Variants in PTRH1 observed in about 807,000 individuals in gnomAD.
The protein encoded by PTRH1 is peptidyl-tRNA hydrolase.
Under a neutral mutation model 15.7 loss-of-function variants are expected in PTRH1, and 13 were observed. That is an observed-to-expected ratio of 0.83 (90% CI 0.54 to 1.31). PTRH1 has a LOEUF of 1.31. Among genes scored for constraint, PTRH1 ranks in the 40% most tolerant of loss-of-function variants. The pLI, the probability that PTRH1 is intolerant of heterozygous loss-of-function variation, is 0.00. For synonymous variants in PTRH1, 139 were observed against 136.7 expected, an observed-to-expected ratio of 1.02 and a Z score of -0.12; for missense variants, 319 against 296.2, an observed-to-expected ratio of 1.08 and a Z score of -0.56.
At chr9:127,702,137 A>G (rs1296508957) in intron 1 of PTRH1, among the ~76,000 whole-genome samples, 6 of 151,796 alleles carry the variant, frequency 4.0e-5, no homozygotes, top group Non-Finnish European at 4.4e-5. Flanking sequence ...ACTTTGGGAG[A>G]CCGAGGTGGG....
At chr9:127,695,031 A>G (rs763377605) in exon 2 of PTRH1, 2 of 702,502 alleles carry the variant, frequency 2.8e-6, no homozygotes, top group South Asian at 1.5e-5. Context: ...GGCTCCCAGG[A>G]AGCACAGTGA....
In PTRH1 at chr9:127,705,874, T is replaced by C. The variant is rs1049160300; in HGVS notation, c.205+9561A>G. On this transcript the variant is annotated intron_variant, in intron 1 of 2. Transcript: ENST00000335223. The surrounding 1 kb of genome is among the most constrained non-coding windows in gnomAD (Gnocchi z 4.7). ...CAGAAGCATGGGGGTCTCTTCCCTC[T>C]GCCAGTCACATTTGTGCCCTCCCAG... Among the ~76,000 whole-genome samples the C allele has an allele frequency of 6.6e-6, 1 of 152,250 alleles. No individual in the cohort carries two copies. Among genetic ancestry groups the C allele is most frequent in the Non-Finnish European group, 1.5e-5 (1 of 68,034 alleles).
intron 1 of PTRH1, among the ~76,000 whole-genome samples, chr9:127,699,597 G>A (rs999946785): frequency 1.3e-5 from 2 of 152,074 alleles, no homozygotes; most frequent in Non-Finnish European, 2.9e-5. Flanking sequence ...TAGGCAGTAC[G>A]AATACTAAAA....
downstream of PTRH1, chr9:127,712,619 G>C (rs762156069): frequency 1.2e-6 from 2 of 1,605,904 alleles, no homozygotes; most frequent in East Asian, 4.5e-5. Context: ...GGAAAACTTC[G>C]TGGAAATGGG....
intron 1 of PTRH1, among the ~76,000 whole-genome samples, chr9:127,707,418 G>A (rs1375125894): frequency 6.6e-6 from 1 of 152,116 alleles, no homozygotes; most frequent in South Asian, 2.1e-4. Context: ...CTAGAACCCT[G>A]GGCCCACGAT....
At chr9:127,698,633 C>T (rs145428230) in intron 1 of PTRH1, among the ~76,000 whole-genome samples, 1 of 152,218 alleles carries the variant, frequency 6.6e-6, no homozygotes, top group African/African-American at 2.4e-5. Flanking sequence ...GCCATGATTG[C>T]ACCACAGCAC....
At chr9:127,710,586 C>T (rs375545874), downstream of PTRH1, 10 of 1,570,346 alleles carry the variant, frequency 6.4e-6, no homozygotes, top group South Asian at 1.2e-5. Context: ...GGGCCTTGTG[C>T]GCTGTGGCGG....
downstream of PTRH1, chr9:127,712,920 C>A: frequency 6.3e-7 from 1 of 1,592,044 alleles, no homozygotes; most frequent in Non-Finnish European, 8.6e-7. Context: ...CCACAGAGAG[C>A]AGGGCAAAGG....
At chr9:127,697,845 G>C (rs1359706063) in intron 1 of PTRH1, among the ~76,000 whole-genome samples, 1 of 152,166 alleles carries the variant, frequency 6.6e-6, no homozygotes, top group Admixed American at 6.5e-5. Context: ...CTTTATGAAG[G>C]GGAAGTGCTC....
At chr9:127,701,774 C>T (rs537105731) in intron 1 of PTRH1, among the ~76,000 whole-genome samples, 4 of 152,164 alleles carry the variant, frequency 2.6e-5, no homozygotes, top group African/African-American at 9.6e-5. Context: ...ATTAGTCGGG[C>T]GTGGTGGCAG....
rs913081392 is a variant in PTRH1, at chr9:127,705,677, C to T, written c.205+9758G>A. 6.6e-6 allele frequency among the ~76,000 whole-genome samples: 1 copy of T among 152,224 alleles called. No individual in the cohort carries two copies. The highest frequency in any genetic ancestry group is 1.5e-5 in the Non-Finnish European group (1 of 68,032). On this transcript the variant is annotated intron_variant, in intron 1 of 2. Coordinates refer to the PTRH1 transcript ENST00000335223. The surrounding 1 kb of genome is among the most constrained non-coding windows in gnomAD (Gnocchi z 4.7). Reference sequence around the variant, plus strand: ...GGAGCACTGTGGGAATTTTTGCCTGCCTAGGCTCCTGTGGGAGCAGCTGTT... The same window carrying T: ...GGAGCACTGTGGGAATTTTTGCCTGTCTAGGCTCCTGTGGGAGCAGCTGTT...
intron 1 of PTRH1, among the ~76,000 whole-genome samples, chr9:127,707,985 C>T (rs1842684982): frequency 6.6e-6 from 1 of 152,132 alleles, no homozygotes; most frequent in African/African-American, 2.4e-5. Context: ...CTAGAGAGGT[C>T]CTGATGTCAT....
chr9:127,703,513 C>T (rs982222990), intron 1 of PTRH1, among the ~76,000 whole-genome samples: 14 of 152,138 alleles, frequency 9.2e-5, no homozygotes, highest in African/African-American at 3.4e-4. Flanking sequence ...GAGTCAATTA[C>T]GCTATTTAAA....
In PTRH1 at chr9:127,715,160, G is replaced by C. The variant is rs780609750; in HGVS notation, c.131C>G (p.Thr44Arg). 1.3e-6 allele frequency: 2 copies of C among 1,533,004 alleles called. No homozygotes were observed. Among genetic ancestry groups the C allele is most frequent in the South Asian group, 2.4e-5 (2 of 83,626 alleles). 95.0% of individuals were successfully genotyped at this position (1,533,004 alleles called of 1,614,324 possible). A position where few individuals can be genotyped will look rare whatever the true frequency, so the allele number is the denominator to read the frequency against. ...AGLGNPGLPG[T>R]RHSVGMAVLG... ...CACCGCCATGCCCACGCTGTGTCGC[G>C]TGCCGGGCAGTCCGGGATTCCCCAG... The change falls in exon 2 of 5, where the codon ACG becomes AGG. Residue 44 changes from threonine to arginine, a missense_variant. Coordinates refer to ENST00000543175, the MANE Select transcript of PTRH1 (RefSeq NM_001002913.3). This position sits in a 1 kb window ranked among gnomAD's most constrained non-coding sequence, Gnocchi z 5.8.
At chr9:127,706,954 G>A (rs770409670) in intron 1 of PTRH1, 14 of 1,546,380 alleles carry the variant, frequency 9.1e-6, no homozygotes, top group Non-Finnish European at 1.2e-5. Flanking sequence ...CCCTCGGCCT[G>A]TTGCTATGTA....
At chr9:127,710,775 T>G (rs1391465694), downstream of PTRH1, 1 of 1,554,164 alleles carries the variant, frequency 6.4e-7, no homozygotes, top group Admixed American at 1.9e-5. Context: ...GGGGCACCCT[T>G]TGGGGCCTTT....
intron 1 of PTRH1, chr9:127,707,192 G>C (rs374361940): frequency 6.2e-7 from 1 of 1,610,216 alleles, no homozygotes; most frequent in Non-Finnish European, 8.5e-7. Context: ...CGGCTAGCCC[G>C]GTGCGTGGGC....
At chr9:127,695,716 G>C (rs529229787) in intron 1 of PTRH1, 1 of 150,546 alleles carries the variant, frequency 6.6e-6, no homozygotes, top group African/African-American at 2.5e-5. Flanking sequence ...TTCTTCCCCC[G>C]ACCCCTTCTT....
intron 2 of PTRH1, 57 bp downstream of exon 2, chr9:127,714,918 G>GGGGGGGCCCCCCCCCCCCCCCC: frequency 2.5e-6 from 1 of 398,848 alleles, no homozygotes; most frequent in South Asian, 2.2e-5. Flanking sequence ...TCTGGCCCCC[G>GGGGGGGCCCCCCCCCCCCCCCC]CGCCCCAACC....
Sources: allele counts gnomAD v4.1 joint callset (sites outside exome capture counted in the v4.1 genomes callset), GRCh38; gene constraint gnomAD v4.1.1; non-coding constraint Gnocchi (gnomAD v3.1); transcripts MANE v1.5; gene names NCBI Gene and HGNC (gene_info 2026-07-23, HGNC 2026-07-21).